The following FRY variants were observed in gnomAD, a reference collection of about 807,000 sequenced individuals.
FRY encodes the protein FRY microtubule binding protein, also known as protein furry homolog.
FRY carries 128 observed loss-of-function variants against 348.4 expected under a neutral mutation model. That is an observed-to-expected ratio of 0.37 (90% CI 0.32 to 0.43). The LOEUF is 0.43. Ranked by LOEUF, FRY falls within the 20% of genes least tolerant of loss-of-function variation. The pLI is 1.00. For missense variants in FRY, 2,736 were observed against 3,695.2 expected (o/e 0.74, Z 6.73); for synonymous variants, 1,370 against 1,374.7 (o/e 1.00, Z 0.08).
intron 42 of FRY, among the ~76,000 whole-genome samples, chr13:32,235,615 C>T (rs1566155653): frequency 6.6e-6 from 1 of 152,182 alleles, no homozygotes; most frequent in East Asian, 1.9e-4. Flanking sequence ...GGAAGTGAGA[C>T]TCCATCTCAG....
chr13:32,090,709 TTC>T (rs1436497198), intron 2 of FRY, among the ~76,000 whole-genome samples: 173 of 152,214 alleles, frequency 1.1e-3, no homozygotes, highest in African/African-American at 4.0e-3. Flanking sequence ...GCTGCTGTAG[TTC>T]TTTTTTTTTT....
At chr13:32,185,538 A>G (rs1347107817) in intron 26 of FRY, among the ~76,000 whole-genome samples, 3 of 152,142 alleles carry the variant, frequency 2.0e-5, no homozygotes, top group African/African-American at 7.2e-5. Flanking sequence ...CTCTGACTCT[A>G]CCCTACCAAC....
chr13:32,051,004 G>A (rs1292778360), intron 1 of FRY, among the ~76,000 whole-genome samples: 1 of 152,188 alleles, frequency 6.6e-6, no homozygotes, highest in Non-Finnish European at 1.5e-5. Context: ...ACTCTGAAAA[G>A]CAACAATGAG....
At chr13:32,129,001 G>C (rs1285308948) in intron 7 of FRY, among the ~76,000 whole-genome samples, 1 of 152,142 alleles carries the variant, frequency 6.6e-6, no homozygotes, top group East Asian at 1.9e-4. Flanking sequence ...TAGCAGGGTT[G>C]ATTCCTTCTG....
intron 2 of FRY, among the ~76,000 whole-genome samples, chr13:32,092,281 C>T (rs937238940): frequency 1.3e-5 from 2 of 152,184 alleles, no homozygotes; most frequent in Non-Finnish European, 2.9e-5. Context: ...TATTAAATGA[C>T]CCCTTGTATA....
At chr13:32,172,776 T>C (rs1882165970) in intron 18 of FRY, among the ~76,000 whole-genome samples, 1 of 152,000 alleles carries the variant, frequency 6.6e-6, no homozygotes, top group African/African-American at 2.4e-5. Flanking sequence ...GCCAACACGA[T>C]AGGTAGAAAA....
chr13:32,275,305 A>G (rs997864398), intron 56 of FRY, among the ~76,000 whole-genome samples: 3 of 151,522 alleles, frequency 2.0e-5, no homozygotes, highest in East Asian at 1.9e-4. Flanking sequence ...GGAGAATGGC[A>G]TGACCCCGGG....
At chr13:32,276,400 G>C in intron 56 of FRY, 64 bp from the exon 57 acceptor site, 1 of 834,318 alleles carries the variant, frequency 1.2e-6, no homozygotes, top group East Asian at 2.4e-5. Flanking sequence ...TCTGTTTTCT[G>C]TGTAGCCATG....
At chr13:32,249,449 G>A (rs570897029) in intron 48 of FRY, 77 bp from the exon 49 acceptor site, 70 of 1,491,934 alleles carry the variant, frequency 4.7e-5, no homozygotes, top group Non-Finnish European at 6.3e-5. Context: ...GCAGCTCTTG[G>A]TTGCTTCTGG....
At chr13:32,039,396 G>A (rs902049108) in intron 1 of FRY, among the ~76,000 whole-genome samples, 2 of 151,988 alleles carry the variant, frequency 1.3e-5, no homozygotes, top group African/African-American at 4.8e-5. Context: ...ATCCTGAGTG[G>A]TTCTCTCACT....
At chr13:32,136,221 G>A (rs998698759) in intron 10 of FRY, among the ~76,000 whole-genome samples, 1 of 152,026 alleles carries the variant, frequency 6.6e-6, no homozygotes, top group African/African-American at 2.4e-5. Context: ...TTTTTTCGGT[G>A]GCTGTTCATT....
chr13:32,232,380 C>T (rs1030349341), intron 41 of FRY, among the ~76,000 whole-genome samples: 6 of 152,132 alleles, frequency 3.9e-5, no homozygotes, highest in African/African-American at 1.2e-4. Context: ...CTGCTTTTGG[C>T]CTGTTTTCTC....
chr13:32,126,397 C>G (rs899116254), intron 7 of FRY, among the ~76,000 whole-genome samples: 6 of 152,346 alleles, frequency 3.9e-5, no homozygotes, highest in African/African-American at 1.4e-4. Context: ...GAAACACTGT[C>G]ATAACTGAGC....
At chr13:32,076,107 C>G (rs1033148885) in intron 1 of FRY, among the ~76,000 whole-genome samples, 1 of 152,160 alleles carries the variant, frequency 6.6e-6, no homozygotes, top group African/African-American at 2.4e-5. Context: ...TTTCATCTCT[C>G]TAGTTCAAAA....
intron 1 of FRY, among the ~76,000 whole-genome samples, chr13:32,058,753 T>A (rs944890999): frequency 2.6e-5 from 4 of 152,242 alleles, no homozygotes; most frequent in Non-Finnish European, 4.4e-5. Flanking sequence ...AATTCAGCTA[T>A]ATTTTGGATA....
At chr13:32,173,255 T>C in intron 18 of FRY, 112 bp from the exon 19 acceptor site, 1 of 759,162 alleles carries the variant, frequency 1.3e-6, no homozygotes, top group Non-Finnish European at 2.3e-6. Flanking sequence ...ACCATGGTCA[T>C]TTATTTTAAT....
intron 3 of FRY, among the ~76,000 whole-genome samples, chr13:32,115,921 C>T (rs74046717): frequency 0.011 from 1,651 of 152,054 alleles, 31 homozygotes; most frequent in African/African-American, 0.038. Context: ...GGAATCATAC[C>T]AATTAAATGA....
At chr13:32,187,515 T>C (rs774543928) in intron 27 of FRY, 31 bp from the exon 28 acceptor site, 2 of 1,312,382 alleles carry the variant, frequency 1.5e-6, no homozygotes, top group Middle Eastern at 1.8e-4. Context: ...CCAAGTTTCA[T>C]TTCCATGTCT....
intron 51 of FRY, among the ~76,000 whole-genome samples, chr13:32,260,706 T>C (rs1029032031): frequency 1.3e-5 from 2 of 151,366 alleles, no homozygotes; most frequent in African/African-American, 4.9e-5. Context: ...AAATCCTGTC[T>C]CTACTAAAAA....
Sources: allele counts gnomAD v4.1 joint callset (sites outside exome capture counted in the v4.1 genomes callset), GRCh38; gene constraint gnomAD v4.1.1; transcripts MANE v1.5; gene names NCBI Gene and HGNC (gene_info 2026-07-23, HGNC 2026-07-21).